Variants in MPRIP observed in about 807,000 individuals in gnomAD.
MPRIP encodes myosin phosphatase Rho interacting protein.
Under a neutral mutation model 234.9 loss-of-function variants are expected in MPRIP, and 59 were observed. The observed-to-expected ratio is 0.25, with a 90% CI of 0.20 to 0.31. MPRIP has a LOEUF of 0.31. Among genes scored for constraint, MPRIP ranks in the 10% least tolerant of loss-of-function variants. The pLI, the probability that MPRIP is intolerant of heterozygous loss-of-function variation, is 1.00. For missense variants in MPRIP, 2,436 were observed against 3,071.0 expected, an observed-to-expected ratio of 0.79 and a Z score of 4.89; for synonymous variants, 1,144 against 1,263.9, an observed-to-expected ratio of 0.91 and a Z score of 2.01.
chr17:17,043,859 G>A (rs1029077633), intron 1 of MPRIP, among the ~76,000 whole-genome samples: 2 of 152,090 alleles, frequency 1.3e-5, no homozygotes, highest in African/African-American at 4.8e-5. Flanking sequence ...CCCTCCCCAC[G>A]GCCATCATCT....
At chr17:17,083,888 C>T (rs1406123233) in intron 3 of MPRIP, among the ~76,000 whole-genome samples, 1 of 152,124 alleles carries the variant, frequency 6.6e-6, no homozygotes, top group Non-Finnish European at 1.5e-5. Context: ...GAACTACAGG[C>T]CCGCGCCACC....
intron 15 of MPRIP, among the ~76,000 whole-genome samples, chr17:17,161,655 A>G (rs1355763642): frequency 1.3e-5 from 2 of 152,240 alleles, no homozygotes; most frequent in South Asian, 4.1e-4. Context: ...AAAGTAGCCA[A>G]TATACATTTA....
chr17:17,073,867 A>G (rs1272096334), intron 1 of MPRIP, among the ~76,000 whole-genome samples: 4 of 152,056 alleles, frequency 2.6e-5, no homozygotes, highest in Admixed American at 1.3e-4. Context: ...CTCCTGGACT[A>G]TGTCTGCAGC....
rs34804730 is a variant in MPRIP at position 17,066,723 on chromosome 17, C to CTTTTTTTTTTT, written c.124-8951_124-8941dup. On this transcript the variant is annotated intron_variant, in intron 1 of 23. Transcript: ENST00000651222. The stretch of plus-strand genomic sequence containing the variant: ...TCAAACCCACAGATACTTTTTTCAT[C>CTTTTTTTTTTT]TTTTTTTTTTTTTTTTTTTTTTTTT... Among the ~76,000 whole-genome samples, 15 of 36,688 alleles carry CTTTTTTTTTTT rather than the reference C, an allele frequency of 4.1e-4. 5 individuals are homozygous for CTTTTTTTTTTT. The highest frequency in any genetic ancestry group is 6.0e-4 in the Non-Finnish European group (10 of 16,614). The allele number at this position is 36,688 out of a possible 152,430, so 24.1% of individuals were successfully genotyped here.
At chr17:17,122,463 C>T (rs965993208) in intron 3 of MPRIP, among the ~76,000 whole-genome samples, 3 of 152,226 alleles carry the variant, frequency 2.0e-5, no homozygotes, top group African/African-American at 4.8e-5. Flanking sequence ...ACGCCATTCT[C>T]CTGCCTCAGC....
At chr17:17,046,072 C>T (rs1033638962) in intron 1 of MPRIP, among the ~76,000 whole-genome samples, 3 of 152,146 alleles carry the variant, frequency 2.0e-5, no homozygotes, top group Non-Finnish European at 4.4e-5. Context: ...CCCAAAGTGC[C>T]GGGATTACAG....
intron 14 of MPRIP, among the ~76,000 whole-genome samples, chr17:17,160,839 C>T (rs970420558): frequency 3.3e-5 from 5 of 152,194 alleles, no homozygotes; most frequent in Non-Finnish European, 7.3e-5. Context: ...TGGGGTGCTT[C>T]CTCCAGATGC....
intron 1 of MPRIP, 86 bp downstream of exon 1, chr17:17,043,057 T>TA: frequency 7.5e-7 from 1 of 1,337,920 alleles, no homozygotes; most frequent in Non-Finnish European, 1.0e-6. Context: ...GCAGGGAAAA[T>TA]AAAAATGGAG....
chr17:17,175,266 T>C, intron 19 of MPRIP, 27 bp from the exon 20 acceptor site: 1 of 1,612,394 alleles, frequency 6.2e-7, no homozygotes, highest in Non-Finnish European at 8.5e-7. Context: ...AGCTCTGGAG[T>C]GTCACTGTTG....
In MPRIP at chr17:17,100,903, T is replaced by C. The variant is rs538905303; in HGVS notation, c.267+22827T>C. 2.0e-5 allele frequency among the ~76,000 whole-genome samples: 3 copies of C among 152,326 alleles called. No individual in the cohort carries two copies. In the East Asian group the frequency reaches 5.8e-4, roughly 29 times the overall value. ...AAGTGGTCCTTGGTACCAAAAAGTT[T>C]GGGGACCACTGCATTAGCTAACCTT... On this transcript the variant is annotated intron_variant, in intron 3 of 23. Coordinates refer to ENST00000651222, the MANE Select transcript of MPRIP (RefSeq NM_001364716.4).
Position 17,159,011 on chromosome 17 carries a change from C to T in MPRIP, c.2400+9C>T, listed in dbSNP as rs141831971. 1 of 1,605,156 alleles carries T rather than the reference C, an allele frequency of 6.2e-7. No individual in the cohort carries two copies. Among genetic ancestry groups the T allele is most frequent in the South Asian group, 1.1e-5 (1 of 89,918 alleles). Reference sequence around the variant, plus strand: ...CTCTGCTCGAGAAGGAGGTAATAGCCTGGGACCAGATCCCCACCCTGCTCC... The same window carrying T: ...CTCTGCTCGAGAAGGAGGTAATAGCTTGGGACCAGATCCCCACCCTGCTCC... On this transcript the variant is annotated intron_variant, in intron 14 of 23. Coordinates refer to ENST00000651222, the MANE Select transcript of MPRIP (RefSeq NM_001364716.4).
At position 17,176,333 on chromosome 17, in the gene MPRIP, T is replaced by C. The variant is rs1202855758; in HGVS notation, c.6871-93T>C. Reference sequence around the variant, plus strand: ...ACGAGGCTGCCCTGCTCACTGGTGATTGGAGAGCCCTCTGCACGCTTCAGC... The same window carrying C: ...ACGAGGCTGCCCTGCTCACTGGTGACTGGAGAGCCCTCTGCACGCTTCAGC... On this transcript the variant is annotated intron_variant, in intron 20 of 23. Transcript: ENST00000651222. 13 of 937,166 alleles carry C rather than the reference T, an allele frequency of 1.4e-5. No individual in the cohort carries two copies. The East Asian group carries it at 3.1e-4, about 23-fold the overall frequency. The allele number at this position is 937,166 out of a possible 1,614,324, so 58.1% of individuals were successfully genotyped here. A position where few individuals can be genotyped will look rare whatever the true frequency, so the allele number is the denominator to read the frequency against.
intron 15 of MPRIP, among the ~76,000 whole-genome samples, chr17:17,163,676 T>G (rs1415601607): frequency 6.6e-6 from 1 of 152,170 alleles, no homozygotes; most frequent in Non-Finnish European, 1.5e-5. Context: ...ACACCTTGTG[T>G]CCTGCGCTTG....
intron 21 of MPRIP, among the ~76,000 whole-genome samples, 173 bp from the exon 22 acceptor site, chr17:17,177,077 G>A (rs539312798): frequency 3.3e-4 from 50 of 152,172 alleles, no homozygotes; most frequent in Admixed American, 7.9e-4. Flanking sequence ...CTTAGGCCCC[G>A]TGGTTTTTCC....
chr17:17,151,009 C>CTTATTATTATTATTATTATTA (rs57859773), intron 12 of MPRIP, among the ~76,000 whole-genome samples: 4 of 145,340 alleles, frequency 2.8e-5, no homozygotes, highest in Non-Finnish European at 4.5e-5. Flanking sequence ...CCATGCCCAG[C>CTTATTATTATTATTATTATTA]TTATTATTAT....
intron 1 of MPRIP, among the ~76,000 whole-genome samples, chr17:17,047,096 G>A (rs2088376982): frequency 6.6e-6 from 1 of 152,200 alleles, no homozygotes; most frequent in Non-Finnish European, 1.5e-5. Flanking sequence ...CACGAGAATT[G>A]CTTGAACCCA....
chr17:17,054,950 C>T (rs1597721379), intron 1 of MPRIP, among the ~76,000 whole-genome samples: 1 of 151,504 alleles, frequency 6.6e-6, no homozygotes, highest in East Asian at 1.9e-4. Context: ...ACTTGGGAGG[C>T]TGAGGTAGAA....
chr17:17,135,052 T>A (rs1184290340), intron 5 of MPRIP, among the ~76,000 whole-genome samples: 2 of 152,264 alleles, frequency 1.3e-5, no homozygotes, highest in Non-Finnish European at 2.9e-5. Flanking sequence ...TCTTGTCTTT[T>A]GCGAGAGAGC....
In MPRIP at chr17:17,136,436, T is replaced by C; in HGVS notation, c.722T>C (p.Leu241Pro). The change falls in exon 6 of 24, where the codon CTA (leucine) becomes CCA (proline). Residue 241 changes from leucine (L) to proline (P), a missense_variant. Transcript: ENST00000651222. ...GCCAGCTCCCTGCGGGAACCTGGGC[T>C]AGAGAGCAAAGAAGGTGAGCGGAGG... ...PAASSLREPG[L>P]ESKEEESAMS... 1 of 1,610,196 alleles carries C rather than the reference T, an allele frequency of 6.2e-7. No homozygotes were observed. Among genetic ancestry groups the C allele is most frequent in the Non-Finnish European group, 8.5e-7 (1 of 1,178,210 alleles).
Sources: allele counts gnomAD v4.1 joint callset (sites outside exome capture counted in the v4.1 genomes callset), GRCh38; gene constraint gnomAD v4.1.1; transcripts MANE v1.5; gene names NCBI Gene and HGNC (gene_info 2026-07-23, HGNC 2026-07-21).